Variants in NEK10 observed in about 807,000 individuals in gnomAD.
NEK10 encodes NIMA related kinase 10, also known as serine/threonine-protein kinase Nek10.
NEK10 carries 122 observed loss-of-function variants against 159.8 expected under a neutral mutation model. That is an observed-to-expected ratio of 0.76 (90% CI 0.66 to 0.89). The LOEUF (loss-of-function observed/expected upper bound fraction) is 0.89, where lower values mean the gene tolerates loss of function less well. Among genes scored for constraint, NEK10 ranks in the 40% least tolerant of loss-of-function variants. The pLI, the probability that NEK10 is intolerant of heterozygous loss-of-function variation, is 0.00. For missense variants in NEK10, 1,342 were observed against 1,323.1 expected (o/e 1.01, Z -0.22); for synonymous variants, 466 against 457.1 (o/e 1.02, Z -0.25).
chr3:27,197,030 C>CCCTA (rs1949619139), intron 25 of NEK10, among the ~76,000 whole-genome samples: 2 of 142,888 alleles, frequency 1.4e-5, no homozygotes, highest in Admixed American at 1.3e-4. Flanking sequence ...ATTCTGCAAG[C>CCCTA]CCTATCCTAA....
chr3:27,261,436 T>C (rs531255817), intron 22 of NEK10, among the ~76,000 whole-genome samples: 1 of 152,318 alleles, frequency 6.6e-6, no homozygotes, highest in South Asian at 2.1e-4. Context: ...TTGTTCTCAT[T>C]GGTTTCAAAG....
intron 23 of NEK10, among the ~76,000 whole-genome samples, chr3:27,207,305 T>C (rs1324140772): frequency 2.0e-5 from 3 of 152,136 alleles, no homozygotes; most frequent in South Asian, 2.1e-4. Flanking sequence ...CTGAAAGAAA[T>C]ACTAGGGCAC....
chr3:27,308,168 G>A (rs1242771413), intron 10 of NEK10, among the ~76,000 whole-genome samples: 1 of 152,174 alleles, frequency 6.6e-6, no homozygotes, highest in African/African-American at 2.4e-5. Context: ...CAAGGCAGCA[G>A]GAAGGATAAG....
chr3:27,151,180 T>G (rs1944831368), intron 30 of NEK10, among the ~76,000 whole-genome samples: 1 of 151,966 alleles, frequency 6.6e-6, no homozygotes, highest in Non-Finnish European at 1.5e-5. Flanking sequence ...AAACACCACC[T>G]CCCGGAAGGA....
intron 11 of NEK10, among the ~76,000 whole-genome samples, chr3:27,306,676 C>A (rs1351469259): frequency 6.6e-6 from 1 of 152,112 alleles, no homozygotes; most frequent in South Asian, 2.1e-4. Flanking sequence ...TGTCTTGTTG[C>A]CTTATCTATA....
chr3:27,141,018 A>T (rs1196761262), intron 31 of NEK10, among the ~76,000 whole-genome samples: 2 of 152,184 alleles, frequency 1.3e-5, no homozygotes, highest in Non-Finnish European at 2.9e-5. Flanking sequence ...CAGTGCTAGG[A>T]ATCACTGAGA....
At chr3:27,175,156 C>G (rs1217448905) in intron 26 of NEK10, among the ~76,000 whole-genome samples, 1 of 152,172 alleles carries the variant, frequency 6.6e-6, no homozygotes, top group South Asian at 2.1e-4. Flanking sequence ...AGAAATTTCT[C>G]TCCCTTAAGT....
chr3:27,282,413 T>A (rs1022675609), intron 22 of NEK10, among the ~76,000 whole-genome samples: 2 of 151,544 alleles, frequency 1.3e-5, no homozygotes, highest in Non-Finnish European at 2.9e-5. Flanking sequence ...TGAAAGGAAA[T>A]GATTACAGCT....
intron 29 of NEK10, among the ~76,000 whole-genome samples, chr3:27,164,025 C>T (rs141003371): frequency 6.6e-6 from 1 of 152,284 alleles, no homozygotes; most frequent in African/African-American, 2.4e-5. Flanking sequence ...TGTTCCTTTC[C>T]ATTCCCTCTT....
At chr3:27,189,794 A>G (rs2148965519) in intron 26 of NEK10, among the ~76,000 whole-genome samples, 1 of 152,282 alleles carries the variant, frequency 6.6e-6, no homozygotes, top group African/African-American at 2.4e-5. Context: ...GTATCAGTAG[A>G]CTTAAAATAG....
chr3:27,289,822 GATA>G (rs2042874415), intron 19 of NEK10, among the ~76,000 whole-genome samples: 1 of 152,140 alleles, frequency 6.6e-6, no homozygotes, highest in South Asian at 2.1e-4. Flanking sequence ...AACAATTAAT[GATA>G]ATATTTACTA....
At chr3:27,214,966 A>G in intron 23 of NEK10, 1 of 774,492 alleles carries the variant, frequency 1.3e-6, no homozygotes, top group South Asian at 1.4e-5. Context: ...GCCTATCTTC[A>G]CGACCACATC....
At chr3:27,231,532 T>C (rs1294916320) in intron 23 of NEK10, among the ~76,000 whole-genome samples, 1 of 150,962 alleles carries the variant, frequency 6.6e-6, no homozygotes, top group Non-Finnish European at 1.5e-5. Context: ...AACAAAAAAG[T>C]ACAAAAGATA....
At chr3:27,146,605 T>G (rs1220647436) in intron 30 of NEK10, among the ~76,000 whole-genome samples, 1 of 152,178 alleles carries the variant, frequency 6.6e-6, no homozygotes, top group South Asian at 2.1e-4. Context: ...GTAACGTAAT[T>G]GTAGTTCAAA....
chr3:27,115,643 C>T lies in NEK10; in HGVS notation c.3299+297G>A, dbSNP rs142875872. Among the ~76,000 whole-genome samples the T allele has an allele frequency of 3.8e-3, 584 of 152,268 alleles. 1 individual carries two copies. The highest frequency in any genetic ancestry group is 8.2e-3 in the Admixed American group (126 of 15,288). ...AAACAAATATTTGATGTTTAAAAAACCAATCTAGAAATGCTTTTTCCATTT... is the reference window on the plus strand; with the variant it reads ...AAACAAATATTTGATGTTTAAAAAATCAATCTAGAAATGCTTTTTCCATTT... On this transcript the variant is annotated intron_variant, in intron 35 of 35. Coordinates refer to ENST00000691995, the MANE Select transcript of NEK10 (RefSeq NM_001394966.1).
intron 32 of NEK10, among the ~76,000 whole-genome samples, chr3:27,126,767 A>C (rs1365439792): frequency 2.0e-5 from 3 of 152,036 alleles, no homozygotes; most frequent in Non-Finnish European, 2.9e-5. Context: ...AGCAAAAAAA[A>C]AACAACAACA....
In NEK10 at chr3:27,181,546, C is replaced by T. The variant is rs564843917; in HGVS notation, c.2506-6713G>A. Among the ~76,000 whole-genome samples the T allele has an allele frequency of 9.9e-5, 15 of 152,184 alleles. No homozygotes were observed. In the East Asian group the frequency reaches 2.5e-3, roughly 26 times the overall value. ...TATAAGTGGATTCATGCAGTTCAAA[C>T]CCACATTGTTTAAAGGTCAACTGTA... On this transcript the variant is annotated intron_variant, in intron 26 of 35. Coordinates refer to ENST00000691995, the MANE Select transcript of NEK10 (RefSeq NM_001394966.1).
chr3:27,249,526 T>C (rs1374289923), intron 23 of NEK10, among the ~76,000 whole-genome samples: 2 of 152,180 alleles, frequency 1.3e-5, no homozygotes, highest in Non-Finnish European at 2.9e-5. Flanking sequence ...TTTTTTCTGA[T>C]ATAAGTATAG....
intron 22 of NEK10, among the ~76,000 whole-genome samples, chr3:27,282,559 T>TATATATATATAC (rs1244802639): frequency 2.3e-5 from 2 of 86,902 alleles, no homozygotes; most frequent in African/African-American, 1.1e-4. Flanking sequence ...TATATATATA[T>TATATATATATAC]ACATAACTGT....
Sources: gnomAD v4.1 joint callset for allele counts (sites outside exome capture counted in the v4.1 genomes callset) on GRCh38, gnomAD v4.1.1 for gene constraint, MANE v1.5 for transcripts, NCBI Gene and HGNC (gene_info 2026-07-23, HGNC 2026-07-21) for gene names.